PTCD1: variants seen among roughly 807,000 people sequenced by gnomAD.
PTCD1 encodes the protein pentatricopeptide repeat-containing protein 1, mitochondrial.
Under a neutral mutation model 53.4 loss-of-function variants are expected in PTCD1, and 50 were observed. The observed-to-expected ratio is 0.94, with a 90% CI of 0.75 to 1.19. The LOEUF (loss-of-function observed/expected upper bound fraction) is 1.19, where lower values mean the gene tolerates loss of function less well. Among genes scored for constraint, PTCD1 ranks in the 50% most tolerant of loss-of-function variants. PTCD1 has a pLI of 0.00. For synonymous variants in PTCD1, 413 were observed against 394.8 expected, an observed-to-expected ratio of 1.05 and a Z score of -0.55; for missense variants, 918 against 904.8, an observed-to-expected ratio of 1.01 and a Z score of -0.19.
intron 3 of PTCD1, chr7:99,432,976 G>A: frequency 2.1e-6 from 1 of 473,360 alleles, no homozygotes; most frequent in Admixed American, 3.3e-5. Context: ...TTGAGCCAAG[G>A]AGTTGGAGGC....
chr7:99,430,435 G>A (rs1348957572), intron 3 of PTCD1, among the ~76,000 whole-genome samples: 1 of 152,230 alleles, frequency 6.6e-6, no homozygotes, highest in African/African-American at 2.4e-5. Flanking sequence ...CCAGAGAAGG[G>A]CCATCTGGAC....
chr7:99,423,764 G>A lies in PTCD1; in HGVS notation c.1920+11C>T. On this transcript the variant is annotated intron_variant, in intron 7 of 7. Coordinates refer to ENST00000292478, the MANE Select transcript of PTCD1 (RefSeq NM_015545.4). The stretch of plus-strand genomic sequence containing the variant: ...AAGGAGCTGATGAGCTTTTGAGCTT[G>A]GGGCACACACCCGGTCAAAGGTGGG... 6.2e-7 allele frequency: 1 copy of A among 1,613,768 alleles called. No individual in the cohort carries two copies.
At chr7:99,435,447 T>C (rs1399165025) in intron 1 of PTCD1, among the ~76,000 whole-genome samples, 179 bp from the exon 2 acceptor site, 1 of 151,614 alleles carries the variant, frequency 6.6e-6, no homozygotes, top group Non-Finnish European at 1.5e-5. Context: ...GAGACCAGCC[T>C]GGACAACATG....
chr7:99,426,209 C>CCT (rs113271040), intron 5 of PTCD1, among the ~76,000 whole-genome samples: 24,843 of 111,234 alleles, frequency 0.22, 4,238 homozygotes, highest in African/African-American at 0.6. Flanking sequence ...TCTCCCTCTC[C>CCT]CTCTTTCCAC....
At position 99,425,630 on chromosome 7, in the gene PTCD1, G is replaced by A; in HGVS notation, c.916-14C>T. ...CAGCCGCCACACCTGCCACGGAAGA[G>A]ACAAACGTCAGCTGGGTGCTCCCAT... is the stretch of plus-strand genomic sequence containing the variant. On this transcript the variant is annotated splice_polypyrimidine_tract_variant and intron_variant, in intron 5 of 7. Coordinates refer to ENST00000292478, the MANE Select transcript of PTCD1 (RefSeq NM_015545.4). 1.9e-6 allele frequency: 3 copies of A among 1,602,152 alleles called. No individual in the cohort carries two copies. Among genetic ancestry groups the A allele is most frequent in the Non-Finnish European group, 1.7e-6 (2 of 1,175,980 alleles).
Position 99,429,766 on chromosome 7 carries a change from G to A in PTCD1, c.635C>T (p.Thr212Met), listed in dbSNP as rs779277939. The change falls in exon 4 of 8, where the codon ACG becomes ATG. Residue 212 changes from threonine (T) to methionine (M), a missense_variant. Physicochemically the swap from Thr to Met is moderately conservative, Grantham distance 81. Coordinates refer to ENST00000292478, the MANE Select transcript of PTCD1 (RefSeq NM_015545.4). ...CTCGGCACAGACGTTGAACAGGGCC[G>A]TGTAGGTGGCGTCCGAGGGCTCCAG... ...RDLEPSDATY[T>M]ALFNVCAESP... The A allele has an allele frequency of 6.8e-6, 11 of 1,614,106 alleles. No individual in the cohort carries two copies. Among genetic ancestry groups the A allele is most frequent in the East Asian group, 4.5e-5 (2 of 44,902 alleles).
rs1305352455 is a variant in PTCD1 at position 99,434,951 on chromosome 7, A to T, written c.292T>A (p.Ser98Thr). ...SFGTLSDKYS[S>T]RRLFRKSAAQ... ...GCGGATTTGCGGAATAGTCTCCGGG[A>T]GGAGTATTTGTCAGAGAGGGTCCCA... The change falls in exon 2 of 8, where the codon TCC becomes ACC. Residue 98 changes from serine (S) to threonine (T), a missense_variant. Transcript: ENST00000292478. The T allele has an allele frequency of 1.4e-5, 22 of 1,614,100 alleles. No individual in the cohort carries two copies. The highest frequency in any genetic ancestry group is 1.9e-5 in the Non-Finnish European group (22 of 1,180,056).
At position 99,420,123 on chromosome 7, in the gene PTCD1, C is replaced by T. The variant is rs771058467; in HGVS notation, c.1947G>A (p.Glu649=). ...AATAGGCTCGGAAGCCGTCAATCTT[C>T]TCCAGGTAGGTGTTCTTCCCTTGGT... ...DRYQGKNTYL[E]KIDGFRAYYK... The change falls in exon 8 of 8, where the codon GAG becomes GAA. Residue 649 remains glutamate (E), a synonymous_variant. Coordinates refer to ENST00000292478, the MANE Select transcript of PTCD1 (RefSeq NM_015545.4). 5.0e-6 allele frequency: 8 copies of T among 1,614,216 alleles called. No homozygotes were observed. Among genetic ancestry groups the T allele is most frequent in the East Asian group, 4.5e-5 (2 of 44,888 alleles).
intron 1 of PTCD1, among the ~76,000 whole-genome samples, chr7:99,437,602 C>T (rs948160038): frequency 2.6e-5 from 4 of 152,178 alleles, no homozygotes; most frequent in Admixed American, 6.5e-5. Context: ...CGCGCCCGGC[C>T]GACTCTATCA....
intron 7 of PTCD1, among the ~76,000 whole-genome samples, chr7:99,420,392 A>G (rs995348373): frequency 6.6e-6 from 1 of 152,130 alleles, no homozygotes; most frequent in African/African-American, 2.4e-5. Flanking sequence ...TTCTTCCCAA[A>G]TAGGCACCAC....
intron 1 of PTCD1, among the ~76,000 whole-genome samples, chr7:99,436,616 A>AAAC (rs377304426): frequency 3.9e-5 from 6 of 151,984 alleles, no homozygotes; most frequent in Admixed American, 6.6e-5. Context: ...CTCCATCTCA[A>AAAC]AACAACAACA....
chr7:99,424,797 T>G lies in PTCD1; in HGVS notation c.1735A>C (p.Lys579Gln). The change falls in exon 6 of 8, where the codon AAG becomes CAG. Residue 579 changes from lysine to glutamine, a missense_variant and splice_region_variant. Lys to Gln is a moderately conservative substitution (Grantham distance 53). Transcript: ENST00000292478. ...TGCCCAGGCCCGAGTCCACTCACCT[T>G]CATGTCTGTGAGAAGCTGTAGACCG... ...KDGLQLLTDM[K>Q]KSQVTPNTHI... The G allele has an allele frequency of 6.2e-7, 1 of 1,614,150 alleles. No individual in the cohort carries two copies. The highest frequency in any genetic ancestry group is 8.5e-7 in the Non-Finnish European group (1 of 1,180,002).
At chr7:99,426,899 C>T (rs932926425) in intron 5 of PTCD1, among the ~76,000 whole-genome samples, 1 of 151,344 alleles carries the variant, frequency 6.6e-6, no homozygotes, top group African/African-American at 2.4e-5. Context: ...GCGTCTCTGC[C>T]CGGCCGCCCC....
Position 99,419,132 on chromosome 7 carries a change from T to C in PTCD1, c.*835A>G. On this transcript the variant is annotated 3_prime_UTR_variant, in exon 8 of 8. Transcript: ENST00000292478. Reference sequence around the variant, plus strand: ...ACTCATTCACACCGATTTCTTTTTCTTGATTGGCAAACGTGTGTTGGATTT... The same window carrying C: ...ACTCATTCACACCGATTTCTTTTTCCTGATTGGCAAACGTGTGTTGGATTT... 1 of 543,210 alleles carries C rather than the reference T, an allele frequency of 1.8e-6. No individual in the cohort carries two copies. Among genetic ancestry groups the C allele is most frequent in the Admixed American group, 3.2e-5 (1 of 30,986 alleles). 33.6% of individuals were successfully genotyped at this position (543,210 alleles called of 1,614,324 possible).
intron 5 of PTCD1, 26 bp downstream of exon 5, chr7:99,429,077 A>G (rs1796162468): frequency 6.2e-7 from 1 of 1,613,238 alleles, no homozygotes. Context: ...GAAGCAGGGC[A>G]GGAAGGTGGG....
intron 1 of PTCD1, among the ~76,000 whole-genome samples, chr7:99,437,340 GAC>G (rs1450792733): frequency 6.8e-6 from 1 of 147,038 alleles, no homozygotes; most frequent in Non-Finnish European, 1.5e-5. Context: ...TTTTTTTTGA[GAC>G]AGTCTCTCAC....
chr7:99,429,547 C>T (rs753697204), intron 4 of PTCD1, 41 bp downstream of exon 4: 1 of 1,613,002 alleles, frequency 6.2e-7, no homozygotes, highest in Non-Finnish European at 8.5e-7. Flanking sequence ...CACGTGGGAC[C>T]AGCCCCATGA....
chr7:99,420,075 C>T lies in PTCD1; in HGVS notation c.1995G>A (p.Met665Ile), dbSNP rs1795730062. The T allele has an allele frequency of 1.9e-6, 3 of 1,614,228 alleles. No individual in the cohort carries two copies. Among genetic ancestry groups the T allele is most frequent in the Non-Finnish European group, 1.7e-6 (2 of 1,180,026 alleles). The change falls in exon 8 of 8, where the codon ATG becomes ATA. Residue 665 changes from methionine (M) to isoleucine (I), a missense_variant. By Grantham distance (10) the Met-to-Ile change is conservative. Transcript: ENST00000292478. ...AGGGGTGCGGGGTTTCCTCTGCGGG[C>T]ATCACTGTCAGCCACTGCTTGTAAT... Reference protein sequence around the residue: ...RAYYKQWLTVMPAEETPHPWQ... With the variant: ...RAYYKQWLTVIPAEETPHPWQ...
Position 99,419,235 on chromosome 7 carries a change from A to C in PTCD1, c.*732T>G, listed in dbSNP as rs1370032491. 2 of 833,726 alleles carry C rather than the reference A, an allele frequency of 2.4e-6. No individual in the cohort carries two copies. The highest frequency in any genetic ancestry group is 2.6e-5 in the East Asian group (1 of 38,240). The allele number at this position is 833,726 out of a possible 1,614,324, so 51.6% of individuals were successfully genotyped here. ...CTGGTTCTACCTTCATGAGGGAGCC[A>C]AATTTTCCCTGTCCAGAGCTGTCAA... On this transcript the variant is annotated 3_prime_UTR_variant, in exon 8 of 8. Coordinates refer to ENST00000292478, the MANE Select transcript of PTCD1 (RefSeq NM_015545.4).
Sources: allele counts gnomAD v4.1 joint callset (sites outside exome capture counted in the v4.1 genomes callset), GRCh38; gene constraint gnomAD v4.1.1; transcripts MANE v1.5; gene names NCBI Gene and HGNC (gene_info 2026-07-23, HGNC 2026-07-21).